REV1: variants seen among roughly 807,000 people sequenced by gnomAD.
REV1 encodes the protein REV1 DNA directed polymerase.
In REV1, 42 loss-of-function variants were observed where a neutral mutation model predicts 137.4. The ratio of observed to expected loss-of-function variants is 0.31; its 90% confidence interval spans 0.24 to 0.40. REV1 has a LOEUF of 0.40. REV1 is among the 10% of genes least tolerant of loss of function. The probability of loss-of-function intolerance (pLI) is 1.00; values close to 1 mark genes in which losing one functional copy is unlikely to be tolerated. For synonymous variants in REV1, 524 were observed against 519.2 expected (o/e 1.01, Z -0.12); for missense variants, 1,282 against 1,490.1 (o/e 0.86, Z 2.30).
At chr2:99,433,693 A>C (rs1232673399) in intron 8 of REV1, among the ~76,000 whole-genome samples, 2 of 152,228 alleles carry the variant, frequency 1.3e-5, no homozygotes, top group African/African-American at 4.8e-5. Context: ...TTTGCAAAAC[A>C]ACCATGAGAA....
chr2:99,406,504 TAA>T lies in REV1; in HGVS notation c.2449-16_2449-15del. On this transcript the variant is annotated splice_polypyrimidine_tract_variant and intron_variant, in intron 15 of 22. Transcript: ENST00000258428. ...GTGAATCCCAACCTAGAACCCAGAA[TAA>T]AGAGTATGCTTCTAGGAAAACTAAA... The T allele has an allele frequency of 6.3e-7, 1 of 1,576,414 alleles. No homozygotes were observed. Among genetic ancestry groups the T allele is most frequent in the Non-Finnish European group, 8.6e-7 (1 of 1,159,486 alleles).
intron 8 of REV1, 60 bp downstream of exon 8, chr2:99,434,272 T>G (rs547115047): frequency 4.8e-5 from 53 of 1,095,726 alleles, no homozygotes; most frequent in Non-Finnish European, 6.7e-5. Context: ...CCATGCCAAA[T>G]AGCAAAATCC....
At chr2:99,479,946 G>GA (rs767808819) in intron 1 of REV1, among the ~76,000 whole-genome samples, 1 of 152,110 alleles carries the variant, frequency 6.6e-6, no homozygotes, top group African/African-American at 2.4e-5. Flanking sequence ...GATTTTACAG[G>GA]ATAGAAGGTA....
chr2:99,482,968 G>T (rs1686777580), intron 1 of REV1, among the ~76,000 whole-genome samples: 1 of 145,554 alleles, frequency 6.9e-6, no homozygotes, highest in Admixed American at 7.0e-5. Flanking sequence ...AGTGAACCAA[G>T]ATCATGCCAT....
At chr2:99,465,847 G>A (rs757798941) in intron 1 of REV1, among the ~76,000 whole-genome samples, 11 of 152,178 alleles carry the variant, frequency 7.2e-5, no homozygotes, top group Non-Finnish European at 1.2e-4. Flanking sequence ...AATCAGCTCT[G>A]ATATGATCTA....
chr2:99,478,714 G>A (rs546056222), intron 1 of REV1, among the ~76,000 whole-genome samples: 7 of 152,302 alleles, frequency 4.6e-5, no homozygotes, highest in Admixed American at 3.3e-4. Flanking sequence ...ATTCTCACAC[G>A]TGAGCATGCA....
At chr2:99,428,991 C>CAAA (rs762850171) in intron 9 of REV1, among the ~76,000 whole-genome samples, 15 of 63,762 alleles carry the variant, frequency 2.4e-4, no homozygotes, top group East Asian at 4.9e-4. Flanking sequence ...GACTCCGTCT[C>CAAA]AAAAAAAAAA....
At chr2:99,401,397 T>G (rs1675378751) in intron 22 of REV1, 45 bp from the exon 23 acceptor site, 1 of 1,273,188 alleles carries the variant, frequency 7.9e-7, no homozygotes, top group Non-Finnish European at 1.1e-6. Flanking sequence ...TTAGGAAAGG[T>G]CCTTAAGACT....
At chr2:99,409,095 C>T (rs1227345933) in intron 14 of REV1, among the ~76,000 whole-genome samples, 3 of 152,082 alleles carry the variant, frequency 2.0e-5, no homozygotes, top group South Asian at 2.1e-4. Context: ...GGCAACAGAG[C>T]GAGATCCTGT....
At chr2:99,482,151 C>T (rs558329511) in intron 1 of REV1, among the ~76,000 whole-genome samples, 9 of 152,318 alleles carry the variant, frequency 5.9e-5, no homozygotes, top group Admixed American at 5.9e-4. Flanking sequence ...GGACTGAGTT[C>T]AATCATACCT....
At chr2:99,490,052 C>T (rs1348469427), upstream of REV1, 1 of 149,328 alleles carries the variant, frequency 6.7e-6, no homozygotes, top group Admixed American at 6.7e-5. Flanking sequence ...GCGCGCGCCG[C>T]AGCCACGCCC....
chr2:99,406,469 A>G lies in REV1; in HGVS notation c.2470T>C (p.Leu824=). The change falls in exon 16 of 23, where the codon TTG becomes CTG. Residue 824 remains leucine, a synonymous_variant. Coordinates refer to ENST00000258428, the MANE Select transcript of REV1 (RefSeq NM_016316.4). The stretch of plus-strand genomic sequence containing the variant: ...GAAGGGTTCAGATTAGTTGGAACCA[A>G]CTGATTCACGTGAATCCCAACCTAG... The part of the protein sequence containing the change: ...MRGVGIHVNQ[L]VPTNLNPSTC... The G allele has an allele frequency of 6.2e-7, 1 of 1,608,512 alleles. No homozygotes were observed. The highest frequency in any genetic ancestry group is 8.5e-7 in the Non-Finnish European group (1 of 1,177,468).
Position 99,487,690 on chromosome 2 carries a change from G to C in REV1, c.-11+2127C>G, listed in dbSNP as rs562010461. 2.5e-5 allele frequency among the ~76,000 whole-genome samples: 3 copies of C among 118,480 alleles called. 1 individual carries two copies. The highest frequency in any genetic ancestry group is 9.0e-5 in the African/African-American group (3 of 33,184). 77.7% of individuals were successfully genotyped at this position (118,480 alleles called of 152,430 possible). On this transcript the variant is annotated intron_variant, in intron 1 of 22. Coordinates refer to ENST00000258428, the MANE Select transcript of REV1 (RefSeq NM_016316.4). ...TTCTGTTTAATATACTCTATGATTAGTAATACGCCACATATACACACCCAT... is the reference window on the plus strand; with the variant it reads ...TTCTGTTTAATATACTCTATGATTACTAATACGCCACATATACACACCCAT...
intron 9 of REV1, among the ~76,000 whole-genome samples, chr2:99,426,132 G>A (rs1679325768): frequency 2.0e-5 from 3 of 151,826 alleles, no homozygotes. Flanking sequence ...GATCACCTGA[G>A]GTCAGGAGTT....
intron 1 of REV1, among the ~76,000 whole-genome samples, chr2:99,469,093 G>A (rs1685126499): frequency 6.6e-6 from 1 of 152,108 alleles, no homozygotes; most frequent in Non-Finnish European, 1.5e-5. Context: ...GAATCTTTGT[G>A]GGGCCATGAC....
At chr2:99,462,446 A>G (rs1356629187) in intron 3 of REV1, 50 bp downstream of exon 3, 1 of 1,525,018 alleles carries the variant, frequency 6.6e-7, no homozygotes, top group East Asian at 2.3e-5. Context: ...ATCATTCTCA[A>G]TCCTAATAAA....
intron 19 of REV1, chr2:99,403,335 T>A: frequency 1.7e-6 from 1 of 580,212 alleles, no homozygotes. Context: ...TGCTCATCTA[T>A]GATGGGTAGT....
intron 1 of REV1, among the ~76,000 whole-genome samples, chr2:99,481,377 T>C (rs1169701306): frequency 6.6e-6 from 1 of 152,170 alleles, no homozygotes; most frequent in Non-Finnish European, 1.5e-5. Flanking sequence ...AGTTTTAAAT[T>C]ATATTGTATC....
At chr2:99,474,121 TA>T (rs1296325147) in intron 1 of REV1, among the ~76,000 whole-genome samples, 1 of 152,234 alleles carries the variant, frequency 6.6e-6, no homozygotes, top group East Asian at 1.9e-4. Context: ...AGTGTTCCTT[TA>T]ATTTTTAACA....
Sources: gnomAD v4.1 joint callset for allele counts (sites outside exome capture counted in the v4.1 genomes callset) on GRCh38, gnomAD v4.1.1 for gene constraint, MANE v1.5 for transcripts, NCBI Gene and HGNC (gene_info 2026-07-23, HGNC 2026-07-21) for gene names.